Variants in CCSER1 observed in about 807,000 individuals in gnomAD.
CCSER1 encodes serine-rich coiled-coil domain-containing protein 1.
Under a neutral mutation model 82.0 loss-of-function variants are expected in CCSER1, and 41 were observed. The observed-to-expected ratio is 0.50, with a 90% CI of 0.39 to 0.65. The LOEUF (loss-of-function observed/expected upper bound fraction) is 0.65. Among genes scored for constraint, CCSER1 ranks in the 30% least tolerant of loss-of-function variants. The pLI, the probability that CCSER1 is intolerant of heterozygous loss-of-function variation, is 0.00. For missense variants in CCSER1, 1,119 were observed against 1,064.2 expected (o/e 1.05, Z -0.72); for synonymous variants, 414 against 383.9 (o/e 1.08, Z -0.92).
At chr4:91,454,083 A>G (rs1756010518) in intron 10 of CCSER1, among the ~76,000 whole-genome samples, 1 of 152,124 alleles carries the variant, frequency 6.6e-6, no homozygotes, top group African/African-American at 2.4e-5. Context: ...TTCAGAGGTA[A>G]TCAAGAACAT....
intron 10 of CCSER1, among the ~76,000 whole-genome samples, chr4:91,510,328 T>A (rs1759750777): frequency 6.6e-6 from 1 of 152,158 alleles, no homozygotes. Context: ...AGTGTAGGTG[T>A]CTTTTTGGTT....
chr4:90,648,333 G>GA (rs1046332164), intron 6 of CCSER1, among the ~76,000 whole-genome samples: 2 of 151,236 alleles, frequency 1.3e-5, no homozygotes, highest in Non-Finnish European at 2.9e-5. Flanking sequence ...AAGAAAGAAA[G>GA]AAAGAAAGAG....
intron 10 of CCSER1, among the ~76,000 whole-genome samples, chr4:91,432,527 C>CT (rs1200145072): frequency 6.6e-6 from 1 of 152,116 alleles, no homozygotes; most frequent in Non-Finnish European, 1.5e-5. Context: ...ATGAGAGTGT[C>CT]TGTTTCCTAT....
chr4:90,887,335 T>G (rs1358005096), intron 8 of CCSER1, among the ~76,000 whole-genome samples: 3 of 152,160 alleles, frequency 2.0e-5, no homozygotes, highest in Non-Finnish European at 4.4e-5. Flanking sequence ...TGCTTGACTT[T>G]CAACAGACCC....
At chr4:90,667,123 C>T (rs2149126138) in intron 6 of CCSER1, among the ~76,000 whole-genome samples, 1 of 152,204 alleles carries the variant, frequency 6.6e-6, no homozygotes, top group South Asian at 2.1e-4. Context: ...CCAAGTCAGC[C>T]ATTTGTTTCT....
chr4:90,555,974 G>A (rs1778079865), intron 5 of CCSER1, among the ~76,000 whole-genome samples: 1 of 152,052 alleles, frequency 6.6e-6, no homozygotes, highest in Admixed American at 6.6e-5. Flanking sequence ...CATCCATAAT[G>A]TAGACAGTTC....
chr4:90,854,028 T>A (rs892117478), intron 8 of CCSER1, among the ~76,000 whole-genome samples: 1 of 152,184 alleles, frequency 6.6e-6, no homozygotes, highest in African/African-American at 2.4e-5. Context: ...ATAGTATGGC[T>A]CCTGATTACA....
chr4:90,391,949 G>A (rs1238287023), intron 3 of CCSER1, among the ~76,000 whole-genome samples: 2 of 151,942 alleles, frequency 1.3e-5, no homozygotes, highest in Non-Finnish European at 2.9e-5. Flanking sequence ...TGCTTTCAGT[G>A]GAGTTGACTA....
At chr4:90,128,575 G>A (rs1180242917) in intron 1 of CCSER1, among the ~76,000 whole-genome samples, 3 of 152,114 alleles carry the variant, frequency 2.0e-5, no homozygotes, top group African/African-American at 7.2e-5. Flanking sequence ...CAGAAAGTCA[G>A]CCGTAAGCTG....
intron 6 of CCSER1, among the ~76,000 whole-genome samples, chr4:90,646,000 T>G (rs113755839): frequency 6.6e-6 from 1 of 152,208 alleles, no homozygotes; most frequent in African/African-American, 2.4e-5. Flanking sequence ...GACAAATTGT[T>G]TAATATCTGT....
intron 10 of CCSER1, among the ~76,000 whole-genome samples, chr4:91,246,823 C>T (rs1373448837): frequency 8.0e-6 from 1 of 124,624 alleles, no homozygotes; most frequent in Non-Finnish European, 1.7e-5. Flanking sequence ...CACACATACA[C>T]ACATACACAC....
At chr4:90,416,757 TG>T (rs1755862523) in intron 4 of CCSER1, among the ~76,000 whole-genome samples, 1 of 152,230 alleles carries the variant, frequency 6.6e-6, no homozygotes, top group Non-Finnish European at 1.5e-5. Context: ...CTAAATTTTA[TG>T]TAACATTTTA....
chr4:91,147,501 C>A (rs1729660857), intron 10 of CCSER1, among the ~76,000 whole-genome samples: 1 of 152,220 alleles, frequency 6.6e-6, no homozygotes, highest in African/African-American at 2.4e-5. Flanking sequence ...CCCATGCCAG[C>A]ACATGAACCC....
chr4:90,377,508 T>A (rs1748527406), intron 3 of CCSER1, among the ~76,000 whole-genome samples: 1 of 152,152 alleles, frequency 6.6e-6, no homozygotes, highest in African/African-American at 2.4e-5. Context: ...AAACAGATTA[T>A]GCCAGCAACA....
At chr4:91,464,870 C>A (rs1756772328) in intron 10 of CCSER1, among the ~76,000 whole-genome samples, 1 of 152,126 alleles carries the variant, frequency 6.6e-6, no homozygotes, top group African/African-American at 2.4e-5. Context: ...CGTTAGAGAC[C>A]TACAAAGAGA....
At chr4:91,569,910 A>G (rs1437258197) in intron 10 of CCSER1, among the ~76,000 whole-genome samples, 1 of 152,190 alleles carries the variant, frequency 6.6e-6, no homozygotes, top group African/African-American at 2.4e-5. Context: ...CATGGGAGAC[A>G]AGGAAAGTCC....
chr4:91,249,814 A>G (rs930299687), intron 10 of CCSER1, among the ~76,000 whole-genome samples: 2 of 152,048 alleles, frequency 1.3e-5, no homozygotes, highest in African/African-American at 4.8e-5. Flanking sequence ...GCACCTATTC[A>G]TGGTTTCTCA....
At chr4:90,527,190 A>T (rs1371033662) in intron 5 of CCSER1, among the ~76,000 whole-genome samples, 1 of 152,220 alleles carries the variant, frequency 6.6e-6, no homozygotes, top group African/African-American at 2.4e-5. Flanking sequence ...AATTTTTGCA[A>T]TCTATCCATC....
intron 5 of CCSER1, among the ~76,000 whole-genome samples, chr4:90,534,852 A>G (rs1033587563): frequency 6.6e-6 from 1 of 152,198 alleles, no homozygotes; most frequent in Non-Finnish European, 1.5e-5. Flanking sequence ...TCAGCATACC[A>G]TCTGCATTTA....
Sources: allele counts gnomAD v4.1 joint callset (sites outside exome capture counted in the v4.1 genomes callset), GRCh38; gene constraint gnomAD v4.1.1; transcripts MANE v1.5; gene names NCBI Gene and HGNC (gene_info 2026-07-23, HGNC 2026-07-21).